Variants in RABGAP1L observed in about 807,000 individuals in gnomAD.
RABGAP1L encodes the protein rab GTPase-activating protein 1-like.
In RABGAP1L, 63 loss-of-function variants were observed where a neutral mutation model predicts 137.7. That is an observed-to-expected ratio of 0.46 (90% CI 0.37 to 0.56). RABGAP1L has a LOEUF of 0.56. Ranked by LOEUF, RABGAP1L falls within the 20% of genes least tolerant of loss-of-function variation. The pLI is 0.00. For missense variants in RABGAP1L, 1,095 were observed against 1,244.0 expected (o/e 0.88, Z 1.80); for synonymous variants, 431 against 433.7 (o/e 0.99, Z 0.08).
At chr1:174,755,581 TAAAG>T in intron 18 of RABGAP1L, among the ~76,000 whole-genome samples, 1 of 152,286 alleles carries the variant, frequency 6.6e-6, no homozygotes, top group East Asian at 1.9e-4. Flanking sequence ...ACTACAGAGA[TAAAG>T]AAAGCCCAAT....
chr1:174,478,301 C>T (rs1260199736), intron 13 of RABGAP1L, among the ~76,000 whole-genome samples: 2 of 151,710 alleles, frequency 1.3e-5, no homozygotes, highest in African/African-American at 4.8e-5. Context: ...GACAGGATCT[C>T]AGTCTGTTGC....
chr1:174,177,419 G>T (rs774309830), intron 1 of RABGAP1L, among the ~76,000 whole-genome samples: 3 of 151,930 alleles, frequency 2.0e-5, no homozygotes, highest in Admixed American at 1.3e-4. Flanking sequence ...ATTTTCTCCC[G>T]TTCTGTAGGT....
At chr1:174,327,344 A>G (rs545870015) in intron 11 of RABGAP1L, among the ~76,000 whole-genome samples, 70 of 152,226 alleles carry the variant, frequency 4.6e-4, no homozygotes, top group African/African-American at 1.6e-3. Context: ...AAAGATGTAT[A>G]TAAAAAGATG....
chr1:174,495,629 A>G (rs572453842), intron 13 of RABGAP1L, among the ~76,000 whole-genome samples: 1 of 152,326 alleles, frequency 6.6e-6, no homozygotes, highest in African/African-American at 2.4e-5. Flanking sequence ...CACAAACAGT[A>G]CATAGTTTAC....
At chr1:174,600,935 A>G (rs1478493552) in intron 13 of RABGAP1L, among the ~76,000 whole-genome samples, 1 of 152,190 alleles carries the variant, frequency 6.6e-6, no homozygotes, top group African/African-American at 2.4e-5. Flanking sequence ...GCACTGCCCT[A>G]TCAGAGGTTC....
chr1:174,701,215 G>A, intron 16 of RABGAP1L: 1 of 1,266,332 alleles, frequency 7.9e-7, no homozygotes, highest in Non-Finnish European at 1.0e-6. Context: ...GTTTAAATTG[G>A]GAGAAAAAAA....
chr1:174,616,938 A>G (rs897896091), intron 13 of RABGAP1L, among the ~76,000 whole-genome samples: 1 of 152,212 alleles, frequency 6.6e-6, no homozygotes, highest in African/African-American at 2.4e-5. Context: ...TTTAATAAAG[A>G]TCCAGGAGAG....
chr1:174,658,834 T>A (rs1676161560), intron 14 of RABGAP1L, among the ~76,000 whole-genome samples: 1 of 152,192 alleles, frequency 6.6e-6, no homozygotes, highest in South Asian at 2.1e-4. Context: ...CTTCATGAGT[T>A]TTACTTATGA....
At chr1:174,637,207 G>C (rs1356759912) in intron 13 of RABGAP1L, among the ~76,000 whole-genome samples, 168 bp from the exon 14 acceptor site, 1 of 152,272 alleles carries the variant, frequency 6.6e-6, no homozygotes, top group African/African-American at 2.4e-5. Context: ...GGAGCTGTTG[G>C]TAGCACTTAT....
chr1:174,946,980 G>GTGTGTGTGTGTGTGTA (rs770439099), intron 19 of RABGAP1L, among the ~76,000 whole-genome samples: 4 of 78,246 alleles, frequency 5.1e-5, no homozygotes, highest in African/African-American at 2.2e-4. Flanking sequence ...GTGTGTGTGT[G>GTGTGTGTGTGTGTGTA]TATATATATG....
chr1:174,461,029 G>A (rs1309102407), intron 13 of RABGAP1L, among the ~76,000 whole-genome samples: 1 of 152,098 alleles, frequency 6.6e-6, no homozygotes, highest in Non-Finnish European at 1.5e-5. Context: ...TGTTGTTTAA[G>A]AACACTGAAT....
chr1:174,219,221 A>C lies in RABGAP1L; in HGVS notation c.64A>C (p.Ser22Arg). 1 of 1,603,682 alleles carries C rather than the reference A, an allele frequency of 6.2e-7. No individual in the cohort carries two copies. The highest frequency in any genetic ancestry group is 8.5e-7 in the Non-Finnish European group (1 of 1,173,084). ...GSSDSVATMN[S>R]EEFVLVPQYA... Reference sequence around the variant, plus strand: ...ATCTGATTCTGTGGCTACAATGAACAGTGAAGAATTTGTTTTGGTTCCTCA... The same window carrying C: ...ATCTGATTCTGTGGCTACAATGAACCGTGAAGAATTTGTTTTGGTTCCTCA... The change falls in exon 2 of 26, where the codon AGT becomes CGT. Residue 22 changes from serine (S) to arginine (R), a missense_variant. Physicochemically the swap from Ser to Arg is moderately radical, Grantham distance 110 (BLOSUM62 -1). This residue lies in a region of RABGAP1L where 356 missense variants were observed against 326.3 expected (regional missense o/e 1.09). Transcript: ENST00000681986.
intron 20 of RABGAP1L, among the ~76,000 whole-genome samples, chr1:174,965,464 T>C (rs1669535084): frequency 6.6e-6 from 1 of 152,222 alleles, no homozygotes; most frequent in Admixed American, 6.5e-5. Flanking sequence ...CCAAACTCTC[T>C]TCTCCATTCT....
At chr1:174,778,410 G>T (rs1029073400) in intron 18 of RABGAP1L, among the ~76,000 whole-genome samples, 8 of 152,182 alleles carry the variant, frequency 5.3e-5, no homozygotes, top group Admixed American at 1.3e-4. Context: ...TAAGGAAGAA[G>T]CAAAATAATA....
intron 19 of RABGAP1L, among the ~76,000 whole-genome samples, chr1:174,949,268 A>G (rs1422084079): frequency 6.6e-6 from 1 of 152,226 alleles, no homozygotes; most frequent in Non-Finnish European, 1.5e-5. Flanking sequence ...TCCTGGAAAA[A>G]ATTACTTTGG....
intron 13 of RABGAP1L, among the ~76,000 whole-genome samples, chr1:174,415,555 A>G (rs1248013849): frequency 6.6e-6 from 1 of 152,174 alleles, no homozygotes; most frequent in Non-Finnish European, 1.5e-5. Flanking sequence ...ATAGGTGACA[A>G]ATTTTTTGAA....
At chr1:174,473,023 A>G (rs1277086022) in intron 13 of RABGAP1L, among the ~76,000 whole-genome samples, 2 of 152,242 alleles carry the variant, frequency 1.3e-5, no homozygotes, top group African/African-American at 4.8e-5. Context: ...TGTGCATAAT[A>G]GAAACAAATT....
intron 13 of RABGAP1L, among the ~76,000 whole-genome samples, chr1:174,589,464 A>G (rs991879020): frequency 2.6e-5 from 4 of 152,050 alleles, no homozygotes; most frequent in Admixed American, 2.6e-4. Flanking sequence ...TTAACTTGAT[A>G]TGATCTCATT....
intron 19 of RABGAP1L, chr1:174,935,635 T>G (rs907811384): frequency 6.6e-6 from 1 of 152,192 alleles, no homozygotes; most frequent in African/African-American, 2.4e-5. Context: ...TGTAACACTT[T>G]GTAATTTTGT....
Sources: gnomAD v4.1 joint callset for allele counts (sites outside exome capture counted in the v4.1 genomes callset) on GRCh38, gnomAD v4.1.1 for gene constraint, gnomAD v4.1.1 regional missense constraint, MANE v1.5 for transcripts, NCBI Gene and HGNC (gene_info 2026-07-23, HGNC 2026-07-21) for gene names.